The following TTC27 variants were observed in gnomAD, a reference collection of about 807,000 sequenced individuals.
TTC27 encodes the protein tetratricopeptide repeat protein 27.
TTC27 carries 79 observed loss-of-function variants against 115.9 expected under a neutral mutation model. That is an observed-to-expected ratio of 0.68 (90% CI 0.57 to 0.82). TTC27 has a LOEUF of 0.82. TTC27 is among the 40% of genes least tolerant of loss of function. The probability of loss-of-function intolerance (pLI) is 0.00; values close to 1 mark genes in which losing one functional copy is unlikely to be tolerated. For synonymous variants in TTC27, 401 were observed against 356.0 expected (o/e 1.13, Z -1.42); for missense variants, 1,054 against 993.1 (o/e 1.06, Z -0.82).
At chr2:32,639,535 G>A (rs1664558572) in intron 3 of TTC27, among the ~76,000 whole-genome samples, 1 of 152,084 alleles carries the variant, frequency 6.6e-6, no homozygotes, top group South Asian at 2.1e-4. Context: ...CATTTTCCAG[G>A]TATTGAAGCT....
intron 7 of TTC27, among the ~76,000 whole-genome samples, chr2:32,667,503 G>A (rs368207174): frequency 6.9e-5 from 10 of 144,212 alleles, no homozygotes; most frequent in South Asian, 2.2e-4. Context: ...TGCATCCTCC[G>A]CCTCCTGGGT....
chr2:32,755,287 G>C (rs1234623854), intron 12 of TTC27, among the ~76,000 whole-genome samples: 1 of 152,176 alleles, frequency 6.6e-6, no homozygotes, highest in Admixed American at 6.5e-5. Flanking sequence ...CTCCAGCCTG[G>C]GCACCATTGA....
At chr2:32,650,094 A>G (rs1482805984) in intron 4 of TTC27, 37 bp from the exon 5 acceptor site, 5 of 1,518,956 alleles carry the variant, frequency 3.3e-6, no homozygotes, top group South Asian at 1.2e-5. Context: ...TTTCTAAAGT[A>G]TCCTTTTATT....
chr2:32,644,825 CTCCTTTCCTTCGTTCCT>C (rs1401626048), intron 4 of TTC27, among the ~76,000 whole-genome samples: 1 of 149,026 alleles, frequency 6.7e-6, no homozygotes, highest in East Asian at 2.0e-4. Context: ...CCCTCCCTCC[CTCCTTTCCTTCGTTCCT>C]TCCTTTCTTC....
In TTC27 at chr2:32,650,168, A is replaced by G. The variant is rs769129127; in HGVS notation, c.575A>G (p.His192Arg). 1 of 1,613,912 alleles carries G rather than the reference A, an allele frequency of 6.2e-7. No individual in the cohort carries two copies. The highest frequency in any genetic ancestry group is 8.5e-7 in the Non-Finnish European group (1 of 1,179,880). Residue 192 changes from histidine to arginine, a missense_variant, in exon 5 of 20, where the codon CAT (histidine) becomes CGT (arginine). Transcript: ENST00000317907. ...PWWTLRCVNIHQHLLEERSPL... is the reference protein window; with the variant it reads ...PWWTLRCVNIRQHLLEERSPL... Reference sequence around the variant, plus strand: ...TGGACTTTGAGATGTGTGAATATTCATCAGCATTTGCTTGAGGAACGCTCA... The same window carrying G: ...TGGACTTTGAGATGTGTGAATATTCGTCAGCATTTGCTTGAGGAACGCTCA...
intron 8 of TTC27, among the ~76,000 whole-genome samples, chr2:32,674,928 C>T (rs960045059): frequency 1.3e-5 from 2 of 152,072 alleles, no homozygotes; most frequent in African/African-American, 4.8e-5. Context: ...TCCCAAAGTG[C>T]TGGGATTACA....
At chr2:32,643,896 A>G (rs914038529) in intron 4 of TTC27, among the ~76,000 whole-genome samples, 4 of 151,654 alleles carry the variant, frequency 2.6e-5, no homozygotes, top group African/African-American at 4.8e-5. Flanking sequence ...TTAGCCAGGC[A>G]TCTCTGGGCA....
intron 9 of TTC27, among the ~76,000 whole-genome samples, chr2:32,682,327 C>T (rs944582647): frequency 2.6e-5 from 4 of 152,242 alleles, no homozygotes; most frequent in African/African-American, 9.6e-5. Flanking sequence ...GAAAATGCCC[C>T]TATCCCAACA....
At chr2:32,776,172 T>A (rs181316601) in intron 13 of TTC27, among the ~76,000 whole-genome samples, 1 of 152,344 alleles carries the variant, frequency 6.6e-6, no homozygotes, top group Non-Finnish European at 1.5e-5. Flanking sequence ...CCATAAAGGC[T>A]CCTGATAACA....
Position 32,664,518 on chromosome 2 carries a change from T to C in TTC27, c.805+51T>C, listed in dbSNP as rs1174629921. The C allele has an allele frequency of 2.0e-6, 3 of 1,497,294 alleles. No individual in the cohort carries two copies. In the Admixed American group the frequency reaches 6.2e-5, roughly 31 times the overall value. The allele number at this position is 1,497,294 out of a possible 1,614,324, so 92.8% of individuals were successfully genotyped here. A position where few individuals can be genotyped will look rare whatever the true frequency, so the allele number is the denominator to read the frequency against. On this transcript the variant is annotated intron_variant, in intron 6 of 19. Coordinates refer to ENST00000317907, the MANE Select transcript of TTC27 (RefSeq NM_017735.5). ...TGATTTTATTTTTATGATAAAACTA[T>C]ATACATTGGCAGTTTGTATTGTATG...
At chr2:32,756,944 C>T (rs1669254103) in intron 12 of TTC27, among the ~76,000 whole-genome samples, 1 of 152,122 alleles carries the variant, frequency 6.6e-6, no homozygotes, top group African/African-American at 2.4e-5. Context: ...CACAATTAGC[C>T]TGAGTGATGA....
chr2:32,781,969 A>G (rs757835262), intron 14 of TTC27, among the ~76,000 whole-genome samples: 7 of 152,220 alleles, frequency 4.6e-5, no homozygotes, highest in Non-Finnish European at 1.5e-5. Context: ...GTCCACTGCC[A>G]CTTAATTTTT....
At chr2:32,686,715 T>C (rs539581258) in intron 9 of TTC27, among the ~76,000 whole-genome samples, 1 of 152,074 alleles carries the variant, frequency 6.6e-6, no homozygotes, top group African/African-American at 2.4e-5. Flanking sequence ...AATTATCAAC[T>C]GTGGGCAAGG....
chr2:32,731,498 C>T (rs951165124), intron 10 of TTC27, among the ~76,000 whole-genome samples: 9 of 152,138 alleles, frequency 5.9e-5, no homozygotes, highest in African/African-American at 2.2e-4. Flanking sequence ...GCTTCAGCCT[C>T]GTAAATAGCT....
At chr2:32,669,078 C>CA (rs1000077863) in intron 7 of TTC27, among the ~76,000 whole-genome samples, 43 of 142,048 alleles carry the variant, frequency 3.0e-4, no homozygotes, top group South Asian at 8.9e-4. Flanking sequence ...GACTCCATCT[C>CA]AAAAAAAAAA....
chr2:32,736,837 A>G (rs912371452), intron 12 of TTC27, 21 bp downstream of exon 12: 1 of 1,611,966 alleles, frequency 6.2e-7, no homozygotes, highest in Non-Finnish European at 8.5e-7. Flanking sequence ...GTCCAATTTG[A>G]TGTACTGGTG....
chr2:32,813,666 A>G (rs1671389967), intron 18 of TTC27, among the ~76,000 whole-genome samples: 1 of 152,226 alleles, frequency 6.6e-6, no homozygotes, highest in Middle Eastern at 3.2e-3. Context: ...AAACTAAAAA[A>G]ACAAAAATTA....
rs1030410139 is a variant in TTC27, at chr2:32,708,259, T to C, written c.1233+5339T>C. 6.6e-5 allele frequency among the ~76,000 whole-genome samples: 10 copies of C among 150,802 alleles called. No individual in the cohort carries two copies. The East Asian group carries it at 1.9e-3, about 29-fold the overall frequency. ...ACTTCCAGTTAATGAATAGTAAATA[T>C]ATTTTCTCTTTTTTTTCTTAATAGC... On this transcript the variant is annotated intron_variant, in intron 10 of 19. Coordinates refer to ENST00000317907, the MANE Select transcript of TTC27 (RefSeq NM_017735.5).
chr2:32,633,021 CTA>C (rs937268757), intron 2 of TTC27, among the ~76,000 whole-genome samples: 8 of 152,292 alleles, frequency 5.3e-5, no homozygotes, highest in African/African-American at 1.9e-4. Flanking sequence ...ACTAAAATAT[CTA>C]TATGTTTTGT....
Sources: allele counts gnomAD v4.1 joint callset (sites outside exome capture counted in the v4.1 genomes callset), GRCh38; gene constraint gnomAD v4.1.1; transcripts MANE v1.5; gene names NCBI Gene and HGNC (gene_info 2026-07-23, HGNC 2026-07-21).